DACH2: variants seen among roughly 807,000 people sequenced by gnomAD.
The protein encoded by DACH2 is dachshund family transcription factor 2.
In DACH2, 17 loss-of-function variants were observed where a neutral mutation model predicts 35.8. That is an observed-to-expected ratio of 0.48 (90% CI 0.33 to 0.71). The LOEUF is 0.71. DACH2 is among the 30% of genes least tolerant of loss of function. DACH2 has a pLI of 0.02. For synonymous variants in DACH2, 195 were observed against 177.3 expected, an observed-to-expected ratio of 1.10 and a Z score of -0.79; for missense variants, 469 against 472.7, an observed-to-expected ratio of 0.99 and a Z score of 0.07.
intron 1 of DACH2, among the ~76,000 whole-genome samples, chrX:86,248,276 T>C (rs1259324862): frequency 2.7e-5 from 3 of 111,053 alleles, no homozygotes; most frequent in Non-Finnish European, 5.7e-5. Context: ...GACAGTATGA[T>C]TTTATACCTA....
chrX:86,187,034 G>A (rs776359540), intron 1 of DACH2, among the ~76,000 whole-genome samples: 3 of 111,827 alleles, frequency 2.7e-5, no homozygotes, highest in Admixed American at 1.9e-4. Flanking sequence ...ATTGGATAAT[G>A]TTTCCTATAA....
intron 4 of DACH2, among the ~76,000 whole-genome samples, chrX:86,671,592 T>A (rs2040765493): frequency 9.0e-6 from 1 of 111,691 alleles, no homozygotes. Context: ...CCTGCTTCCT[T>A]CCCCTTTGCC....
At chrX:86,248,039 C>A (rs1460952164) in intron 1 of DACH2, among the ~76,000 whole-genome samples, 1 of 110,713 alleles carries the variant, frequency 9.0e-6, no homozygotes, top group Non-Finnish European at 1.9e-5. Flanking sequence ...AAAAATACCT[C>A]AAAATAATAA....
chrX:86,442,900 T>C (rs149908473), intron 2 of DACH2, among the ~76,000 whole-genome samples: 11 of 111,646 alleles, frequency 9.9e-5, no homozygotes, highest in Non-Finnish European at 2.1e-4. Context: ...CATGGATTTA[T>C]TTTTGGGCTA....
At chrX:86,411,509 A>T (rs1380994678) in intron 2 of DACH2, among the ~76,000 whole-genome samples, 1 of 110,875 alleles carries the variant, frequency 9.0e-6, no homozygotes, top group Admixed American at 9.7e-5. Flanking sequence ...GACAATAATG[A>T]GGTCATAATT....
chrX:86,613,084 A>T (rs2039964560), intron 3 of DACH2, among the ~76,000 whole-genome samples: 1 of 112,274 alleles, frequency 8.9e-6, no homozygotes, highest in East Asian at 2.8e-4. Flanking sequence ...ACATGAATAA[A>T]TAGCAGCTTA....
rs2030257177 is a variant in DACH2 at position 86,148,875 on chromosome X, C to A, written c.255C>A (p.Gly85=). The change falls in exon 1 of 12, where the codon GGC becomes GGA. Residue 85 remains glycine, a synonymous_variant. Coordinates refer to ENST00000373125, the MANE Select transcript of DACH2 (RefSeq NM_053281.3). ...AGGTGGCTTCGTTCCTGATGGACGG[C>A]CAGGAACTGATCTGCCTGCCGCAAG... ...GMKVASFLMD[G]QELICLPQVF... The A allele has an allele frequency of 8.3e-7, 1 of 1,211,511 alleles. No individual in the cohort carries two copies. The highest frequency in any genetic ancestry group is 1.1e-6 in the Non-Finnish European group (1 of 895,494).
At chrX:86,445,778 A>G (rs1017387687) in intron 2 of DACH2, among the ~76,000 whole-genome samples, 2 of 110,911 alleles carry the variant, frequency 1.8e-5, no homozygotes, top group Non-Finnish European at 3.8e-5. Context: ...GTGGCATAAT[A>G]TATGATCTAT....
chrX:86,229,027 T>A (rs1202652278), intron 1 of DACH2, among the ~76,000 whole-genome samples: 2 of 112,016 alleles, frequency 1.8e-5, no homozygotes, highest in Non-Finnish European at 3.8e-5. Flanking sequence ...TTTTTGGTCA[T>A]GAACTCCTTG....
intron 2 of DACH2, among the ~76,000 whole-genome samples, chrX:86,430,855 C>A (rs758072000): frequency 2.3e-4 from 26 of 111,730 alleles, no homozygotes; most frequent in Non-Finnish European, 4.5e-4. Context: ...AAGAGGCATG[C>A]AGAGTCATTT....
chrX:86,796,743 G>A (rs2042242911), intron 7 of DACH2, among the ~76,000 whole-genome samples: 2 of 111,763 alleles, frequency 1.8e-5, no homozygotes, highest in African/African-American at 6.5e-5. Context: ...GAATTTTGTA[G>A]GGCTTCATGT....
intron 1 of DACH2, among the ~76,000 whole-genome samples, chrX:86,234,144 G>A (rs1342938890): frequency 8.9e-6 from 1 of 112,045 alleles, no homozygotes; most frequent in Non-Finnish European, 1.9e-5. Flanking sequence ...GATAAACTAA[G>A]GAGACATTGC....
intron 3 of DACH2, among the ~76,000 whole-genome samples, chrX:86,539,893 A>G (rs1430275594): frequency 9.0e-6 from 1 of 111,457 alleles, no homozygotes; most frequent in African/African-American, 3.3e-5. Context: ...ACTTAAAATT[A>G]TGTAGTCATG....
intron 2 of DACH2, among the ~76,000 whole-genome samples, chrX:86,389,667 C>T (rs202079619): frequency 8.9e-6 from 1 of 111,846 alleles, no homozygotes; most frequent in African/African-American, 3.2e-5. Flanking sequence ...CAAAAAGTCC[C>T]ATTGCTTCTG....
At chrX:86,337,989 T>C (rs2035345858) in intron 1 of DACH2, among the ~76,000 whole-genome samples, 1 of 111,642 alleles carries the variant, frequency 9.0e-6, no homozygotes, top group African/African-American at 3.3e-5. Flanking sequence ...TACATAATGG[T>C]TAAGGGATTA....
At chrX:86,428,587 A>G (rs2036932011) in intron 2 of DACH2, among the ~76,000 whole-genome samples, 1 of 112,059 alleles carries the variant, frequency 8.9e-6, no homozygotes, top group Non-Finnish European at 1.9e-5. Flanking sequence ...ATTAGAACTG[A>G]AAAACATTCA....
At chrX:86,478,504 T>C (rs1480739023) in intron 2 of DACH2, among the ~76,000 whole-genome samples, 2 of 110,376 alleles carry the variant, frequency 1.8e-5, no homozygotes, top group African/African-American at 3.3e-5. Context: ...TGTTATTTGT[T>C]TCTCTTGCTG....
At chrX:86,565,043 T>TTGAC (rs2039276903) in intron 3 of DACH2, among the ~76,000 whole-genome samples, 1 of 111,638 alleles carries the variant, frequency 9.0e-6, no homozygotes, top group Non-Finnish European at 1.9e-5. Flanking sequence ...TAAACCTTCA[T>TTGAC]TGACATTCAT....
Position 86,682,869 on chromosome X carries a change from T to C in DACH2, c.773-12152T>C, listed in dbSNP as rs747257420. Among the ~76,000 whole-genome samples, 301 of 111,653 alleles carry C rather than the reference T, an allele frequency of 2.7e-3. 2 individuals carry two copies. Among genetic ancestry groups the C allele is most frequent in the African/African-American group, 9.4e-3 (288 of 30,788 alleles). On this transcript the variant is annotated intron_variant, in intron 4 of 11. Coordinates refer to ENST00000373125, the MANE Select transcript of DACH2 (RefSeq NM_053281.3). Reference sequence around the variant, plus strand: ...TTAAAAAACTGTATTTCCTTATCCTTTTTTTCCATATAGAATAATTTTTGG... The same window carrying C: ...TTAAAAAACTGTATTTCCTTATCCTCTTTTTCCATATAGAATAATTTTTGG...
Sources: gnomAD v4.1 joint callset for allele counts (sites outside exome capture counted in the v4.1 genomes callset) on GRCh38, gnomAD v4.1.1 for gene constraint, MANE v1.5 for transcripts, NCBI Gene and HGNC (gene_info 2026-07-23, HGNC 2026-07-21) for gene names.